MCF2: variants seen among roughly 807,000 people sequenced by gnomAD.
MCF2 encodes MCF.2 cell line derived transforming sequence, also known as proto-oncogene DBL.
In MCF2, 44 loss-of-function variants were observed where a neutral mutation model predicts 82.5. That is an observed-to-expected ratio of 0.53 (90% CI 0.42 to 0.69). The LOEUF (loss-of-function observed/expected upper bound fraction) is 0.69. Ranked by LOEUF, MCF2 falls within the 30% of genes least tolerant of loss-of-function variation. The pLI, the probability that MCF2 is intolerant of heterozygous loss-of-function variation, is 0.00. For synonymous variants in MCF2, 217 were observed against 224.9 expected, an observed-to-expected ratio of 0.96 and a Z score of 0.32; for missense variants, 623 against 663.1, an observed-to-expected ratio of 0.94 and a Z score of 0.66.
chrX:139,661,893 T>C (rs1238858609), intron 1 of MCF2, among the ~76,000 whole-genome samples: 1 of 112,431 alleles, frequency 8.9e-6, no homozygotes, highest in East Asian at 2.8e-4. Flanking sequence ...AGTTCAACTA[T>C]GTTCGAGTCA....
At chrX:139,589,606 T>G (rs905748509) in intron 20 of MCF2, among the ~76,000 whole-genome samples, 1 of 111,827 alleles carries the variant, frequency 8.9e-6, no homozygotes, top group African/African-American at 3.2e-5. Flanking sequence ...ATAAGTCTCT[T>G]ATGTAGTTGT....
intron 24 of MCF2, among the ~76,000 whole-genome samples, chrX:139,583,450 C>T (rs1928646146): frequency 9.0e-6 from 1 of 111,563 alleles, no homozygotes; most frequent in Non-Finnish European, 1.9e-5. Context: ...TCCTTTGCAG[C>T]AAGGTGGATG....
intron 19 of MCF2, among the ~76,000 whole-genome samples, chrX:139,595,338 C>T (rs1156759775): frequency 3.6e-5 from 4 of 109,931 alleles, no homozygotes; most frequent in Admixed American, 9.7e-5. Context: ...AAATGTCCAA[C>T]AATGATAGAC....
At chrX:139,617,876 CA>C (rs1403838629) in intron 7 of MCF2, among the ~76,000 whole-genome samples, 172 bp from the exon 11 acceptor site, 1 of 107,198 alleles carries the variant, frequency 9.3e-6, no homozygotes, top group Admixed American at 9.9e-5. Flanking sequence ...AACAAACAAA[CA>C]AAAAAACAAA....
At chrX:139,619,843 A>G (rs1481386029) in intron 6 of MCF2, 137 bp from the exon 10 acceptor site, 1 of 431,822 alleles carries the variant, frequency 2.3e-6, no homozygotes, top group African/African-American at 2.5e-5. Flanking sequence ...TTTTATTCAC[A>G]GAAATAGCTA....
At chrX:139,691,800 G>T in intron 1 of MCF2, 2 of 560,194 alleles carry the variant, frequency 3.6e-6, no homozygotes, top group Non-Finnish European at 5.9e-6. Flanking sequence ...TGCGCGCGGG[G>T]AGGGGTGTGG....
At chrX:139,652,085 T>C (rs1569384994) in intron 1 of MCF2, among the ~76,000 whole-genome samples, 1 of 112,069 alleles carries the variant, frequency 8.9e-6, no homozygotes, top group Non-Finnish European at 1.9e-5. Flanking sequence ...GACATTCGGA[T>C]TTATTTGAAG....
At chrX:139,639,517 A>AG (rs1042280155) in intron 1 of MCF2, among the ~76,000 whole-genome samples, 1 of 111,001 alleles carries the variant, frequency 9.0e-6, no homozygotes, top group Non-Finnish European at 1.9e-5. Flanking sequence ...CAAGGTAACG[A>AG]GCACAAAATA....
At chrX:139,662,268 G>A (rs1934376316) in intron 1 of MCF2, among the ~76,000 whole-genome samples, 1 of 108,886 alleles carries the variant, frequency 9.2e-6, no homozygotes, top group South Asian at 3.7e-4. Context: ...TACTATTGAA[G>A]TAGCAATACT....
intron 1 of MCF2, among the ~76,000 whole-genome samples, chrX:139,694,938 A>C (rs1233713819): frequency 9.2e-6 from 1 of 109,129 alleles, no homozygotes; most frequent in East Asian, 2.9e-4. Flanking sequence ...TATCAATGCC[A>C]ATATTCTGCT....
intron 1 of MCF2, among the ~76,000 whole-genome samples, chrX:139,702,790 C>T (rs930827698): frequency 1.8e-5 from 2 of 112,430 alleles, no homozygotes; most frequent in African/African-American, 3.2e-5. Context: ...AATATCAGGA[C>T]AACACTGATA....
intron 1 of MCF2, among the ~76,000 whole-genome samples, chrX:139,652,443 C>T (rs1934057560): frequency 9.0e-6 from 1 of 111,285 alleles, no homozygotes; most frequent in African/African-American, 3.3e-5. Flanking sequence ...ATGTGAAATA[C>T]CTGGCATAAT....
At chrX:139,632,110 CAT>C (rs1256646499) in intron 2 of MCF2, among the ~76,000 whole-genome samples, 4 of 110,896 alleles carry the variant, frequency 3.6e-5, no homozygotes, top group African/African-American at 9.8e-5. Flanking sequence ...ACATATATGA[CAT>C]ATATTTTTTG....
intron 10 of MCF2, among the ~76,000 whole-genome samples, chrX:139,610,718 A>G (rs1437197563): frequency 9.0e-6 from 1 of 111,527 alleles, no homozygotes; most frequent in Non-Finnish European, 1.9e-5. Flanking sequence ...TCTAAGTTTA[A>G]TCTACTAATT....
At chrX:139,637,242 A>G (rs1193650221) in intron 1 of MCF2, among the ~76,000 whole-genome samples, 2 of 112,221 alleles carry the variant, frequency 1.8e-5, no homozygotes, top group Non-Finnish European at 3.8e-5. Context: ...CAATAGCTAC[A>G]CAACTACTAA....
Position 139,619,630 on chromosome X carries a change from T to C in MCF2, c.764A>G (p.Lys255Arg). 8.5e-7 allele frequency: 1 copy of C among 1,169,619 alleles called. No homozygotes were observed. ...GTTTTCCAATTTTTTTATTTTTTGT[T>C]TTACTTGAGCTATAGTCCCTGTTAC... The change falls in exon 7 of 25, where the codon AAA becomes AGA. Residue 255 changes from lysine (K) to arginine (R), a missense_variant. Transcript: ENST00000370576.
chrX:139,673,621 C>T (rs183468850), intron 1 of MCF2, among the ~76,000 whole-genome samples: 8 of 111,858 alleles, frequency 7.2e-5, no homozygotes, highest in Non-Finnish European at 1.5e-4. Flanking sequence ...TGTAGTTGTG[C>T]GGTTTTGAGT....
At chrX:139,603,737 A>G (rs962741152) in intron 15 of MCF2, among the ~76,000 whole-genome samples, 11 of 111,348 alleles carry the variant, frequency 9.9e-5, no homozygotes, top group Non-Finnish European at 1.7e-4. Flanking sequence ...CGGGAGGCTG[A>G]GGCAGGAGAA....
In MCF2 at chrX:139,596,414, CTT is replaced by C. The variant is rs1930100219; in HGVS notation, c.2277+133_2277+134del. ...TGATTCATCTGACTTCTACATAAGACTTAAGATTTTTTAAAAAAAACAAAGAT... is the reference window on the plus strand; with the variant it reads ...TGATTCATCTGACTTCTACATAAGACAAGATTTTTTAAAAAAAACAAAGAT... On this transcript the variant is annotated intron_variant, in intron 19 of 24. Coordinates refer to ENST00000370576, the Ensembl canonical transcript of MCF2. 3 of 472,840 alleles carry C rather than the reference CTT, an allele frequency of 6.3e-6. No individual in the cohort carries two copies. The South Asian group carries it at 1.0e-4, about 16-fold the overall frequency. 39.0% of individuals were successfully genotyped at this position (472,840 alleles called of 1,213,427 possible). A position where few individuals can be genotyped will look rare whatever the true frequency, so the allele number is the denominator to read the frequency against.
Sources: allele counts gnomAD v4.1 joint callset (sites outside exome capture counted in the v4.1 genomes callset), GRCh38; gene constraint gnomAD v4.1.1; transcripts MANE v1.5; gene names NCBI Gene and HGNC (gene_info 2026-07-23, HGNC 2026-07-21).